The following PRKAR2B variants were observed in gnomAD, a reference collection of about 807,000 sequenced individuals.
PRKAR2B encodes the protein cAMP-dependent protein kinase type II-beta regulatory subunit.
Under a neutral mutation model 49.9 loss-of-function variants are expected in PRKAR2B, and 14 were observed. That is an observed-to-expected ratio of 0.28 (90% CI 0.19 to 0.44). The LOEUF is 0.44. Ranked by LOEUF, PRKAR2B falls within the 20% of genes least tolerant of loss-of-function variation. The pLI is 1.00. For synonymous variants in PRKAR2B, 196 were observed against 197.7 expected (o/e 0.99, Z 0.07); for missense variants, 393 against 537.9 (o/e 0.73, Z 2.67).
intron 2 of PRKAR2B, among the ~76,000 whole-genome samples, chr7:107,098,503 C>T (rs373083366): frequency 2.0e-5 from 3 of 152,178 alleles, no homozygotes; most frequent in African/African-American, 4.8e-5. Flanking sequence ...TGTCTGAAGC[C>T]GCCTTCTCTC....
intron 6 of PRKAR2B, among the ~76,000 whole-genome samples, chr7:107,147,098 C>G (rs1218779398): frequency 6.6e-6 from 1 of 152,050 alleles, no homozygotes; most frequent in East Asian, 1.9e-4. Flanking sequence ...ATCCTCTTAC[C>G]TAGCCACGAG....
At chr7:107,147,674 C>G (rs1230102763) in intron 6 of PRKAR2B, among the ~76,000 whole-genome samples, 2 of 152,198 alleles carry the variant, frequency 1.3e-5, no homozygotes, top group Non-Finnish European at 2.9e-5. Context: ...TGCCTGATGT[C>G]AGGCCAAACC....
At chr7:107,150,698 TAAAAAAAAA>T (rs58258955) in intron 6 of PRKAR2B, among the ~76,000 whole-genome samples, 105,429 of 140,864 alleles carry the variant, frequency 0.75, 39,467 homozygotes, top group African/African-American at 0.87. Flanking sequence ...ATGCTTTCTT[TAAAAAAAAA>T]AAAAAAAAAA....
At chr7:107,118,452 A>AT (rs1394705205) in intron 2 of PRKAR2B, among the ~76,000 whole-genome samples, 1 of 116,474 alleles carries the variant, frequency 8.6e-6, no homozygotes, top group African/African-American at 2.8e-5. Context: ...CCAGTCATTT[A>AT]TTTAAAAAAA....
intron 2 of PRKAR2B, among the ~76,000 whole-genome samples, chr7:107,117,383 T>G (rs745448251): frequency 5.9e-5 from 9 of 152,226 alleles, no homozygotes; most frequent in Non-Finnish European, 1.2e-4. Context: ...AATCTTAGTT[T>G]ATTGAGAACA....
intron 8 of PRKAR2B, 67 bp downstream of exon 8, chr7:107,153,318 T>G: frequency 2.7e-6 from 3 of 1,127,922 alleles, no homozygotes; most frequent in Non-Finnish European, 3.8e-6. Context: ...GTGGTAGATC[T>G]TGATAAACTT....
intron 7 of PRKAR2B, among the ~76,000 whole-genome samples, chr7:107,151,876 T>G (rs1283448741): frequency 6.6e-6 from 1 of 152,212 alleles, no homozygotes; most frequent in Non-Finnish European, 1.5e-5. Context: ...GAAAAATCAT[T>G]AATCAAGCCA....
At chr7:107,074,591 G>C (rs1351061829) in intron 2 of PRKAR2B, among the ~76,000 whole-genome samples, 1 of 151,836 alleles carries the variant, frequency 6.6e-6, no homozygotes, top group Non-Finnish European at 1.5e-5. Context: ...CTGAGATTGG[G>C]AGTTCCACAC....
intron 2 of PRKAR2B, among the ~76,000 whole-genome samples, chr7:107,106,215 A>G (rs1354130773): frequency 6.6e-6 from 1 of 152,118 alleles, no homozygotes; most frequent in Non-Finnish European, 1.5e-5. Context: ...ACACTTTTCC[A>G]TACCTTTTGT....
chr7:107,140,085 A>T (rs576910854), intron 4 of PRKAR2B, among the ~76,000 whole-genome samples: 1 of 152,294 alleles, frequency 6.6e-6, no homozygotes, highest in South Asian at 2.1e-4. Flanking sequence ...TCTTTGAATT[A>T]TTCCTGTATT....
intron 7 of PRKAR2B, among the ~76,000 whole-genome samples, chr7:107,152,265 C>T (rs1298770515): frequency 2.0e-5 from 3 of 152,192 alleles, no homozygotes; most frequent in African/African-American, 7.2e-5. Flanking sequence ...CCCATTCCCC[C>T]ACCCATTTTC....
chr7:107,143,846 G>A (rs1795835076), intron 5 of PRKAR2B, among the ~76,000 whole-genome samples: 1 of 151,998 alleles, frequency 6.6e-6, no homozygotes, highest in South Asian at 2.1e-4. Flanking sequence ...TTAGACTTGG[G>A]TCTCATTCCC....
chr7:107,045,241 C>T (rs1162087627), intron 1 of PRKAR2B, 27 bp downstream of exon 1: 9 of 1,397,174 alleles, frequency 6.4e-6, no homozygotes, highest in Non-Finnish European at 6.5e-6. Context: ...CCACTTCGCG[C>T]CCCCGGATCC....
At chr7:107,155,537 T>C (rs1207963784) in intron 8 of PRKAR2B, among the ~76,000 whole-genome samples, 3 of 152,196 alleles carry the variant, frequency 2.0e-5, no homozygotes, top group African/African-American at 4.8e-5. Context: ...CATCTATCGT[T>C]GCTTGACTTT....
At chr7:107,099,819 A>G (rs1562856726) in intron 2 of PRKAR2B, among the ~76,000 whole-genome samples, 1 of 151,906 alleles carries the variant, frequency 6.6e-6, no homozygotes, top group African/African-American at 2.4e-5. Context: ...TATTTTTAGT[A>G]GAGACGGGGT....
chr7:107,053,745 G>C (rs939515259), intron 1 of PRKAR2B, among the ~76,000 whole-genome samples: 1 of 152,122 alleles, frequency 6.6e-6, no homozygotes, highest in African/African-American at 2.4e-5. Flanking sequence ...CAATTGTATA[G>C]TGGTAATGTT....
chr7:107,141,805 A>C (rs1259417371), intron 5 of PRKAR2B, among the ~76,000 whole-genome samples: 1 of 152,222 alleles, frequency 6.6e-6, no homozygotes, highest in Non-Finnish European at 1.5e-5. Context: ...CCACATAAGT[A>C]AGTAGTTTGT....
intron 2 of PRKAR2B, among the ~76,000 whole-genome samples, chr7:107,099,103 C>G (rs1794905682): frequency 6.6e-6 from 1 of 152,214 alleles, no homozygotes; most frequent in Admixed American, 6.5e-5. Context: ...CAGCTATGCC[C>G]TGCTGCCAGA....
intron 3 of PRKAR2B, among the ~76,000 whole-genome samples, chr7:107,126,118 G>A (rs966943934): frequency 2.0e-5 from 3 of 147,262 alleles, no homozygotes; most frequent in African/African-American, 7.5e-5. Context: ...AAGAGGCCAG[G>A]CGCGCTGGCT....
Sources: allele counts gnomAD v4.1 joint callset (sites outside exome capture counted in the v4.1 genomes callset), GRCh38; gene constraint gnomAD v4.1.1; transcripts MANE v1.5; gene names NCBI Gene and HGNC (gene_info 2026-07-23, HGNC 2026-07-21).